Variants in UGT2B15 observed in about 807,000 individuals in gnomAD.
UGT2B15 encodes UDP-glucuronosyltransferase 2B15.
A neutral mutation model predicts 45.9 loss-of-function variants in UGT2B15; 36 were observed. The observed-to-expected ratio is 0.78, with a 90% CI of 0.60 to 1.04. UGT2B15 has a LOEUF of 1.04. Ranked by LOEUF, UGT2B15 falls within the 50% of genes least tolerant of loss-of-function variation. The pLI is 0.00. For synonymous variants in UGT2B15, 219 were observed against 216.4 expected (o/e 1.01, Z -0.11); for missense variants, 617 against 622.4 (o/e 0.99, Z 0.09).
rs779881454 is a variant in UGT2B15 at position 68,670,619 on chromosome 4, C to T, written c.-1G>A. 1.3e-6 allele frequency: 2 copies of T among 1,567,312 alleles called. No homozygotes were observed. Among genetic ancestry groups the T allele is most frequent in the African/African-American group, 2.8e-5 (2 of 72,572 alleles). ...AGACTGACGTCCATTTCAGAGACAT[C>T]CTGGTCTTATGCAATGCTTCTTTTC... On this transcript the variant is annotated 5_prime_UTR_variant, in exon 1 of 6. Coordinates refer to ENST00000338206, the MANE Select transcript of UGT2B15 (RefSeq NM_001076.4).
At chr4:68,669,763 A>G in intron 1 of UGT2B15, 132 bp downstream of exon 1, 1 of 1,303,224 alleles carries the variant, frequency 7.7e-7, no homozygotes, top group South Asian at 1.5e-5. Flanking sequence ...TGAGACTGAT[A>G]GATCATCTTA....
chr4:68,651,747 C>G (rs1332341424), intron 5 of UGT2B15, among the ~76,000 whole-genome samples: 1 of 152,008 alleles, frequency 6.6e-6, no homozygotes, highest in Non-Finnish European at 1.5e-5. Flanking sequence ...CTGTTTGGTA[C>G]CAGTACCATT....
chr4:68,655,181 A>G lies in UGT2B15; in HGVS notation c.1007T>C (p.Val336Ala). 1.2e-6 allele frequency: 2 copies of G among 1,613,250 alleles called. No homozygotes were observed. The highest frequency in any genetic ancestry group is 1.7e-6 in the Non-Finnish European group (2 of 1,179,510). Residue 336 changes from valine to alanine, a missense_variant and splice_region_variant, in exon 4 of 6, where the codon GTT (valine) becomes GCT (alanine). Coordinates refer to ENST00000338206, the MANE Select transcript of UGT2B15 (RefSeq NM_001076.4). ...ASALAQIPQKVLWRFDGKKPN... is the reference protein window; with the variant it reads ...ASALAQIPQKALWRFDGKKPN... ...CTTCTTGCCATCAAATCTCCATAGA[A>G]CCTGTTAGGGCAAGGAAAATATCTT...
chr4:68,660,491 A>C (rs990931550), intron 3 of UGT2B15, among the ~76,000 whole-genome samples: 2 of 151,822 alleles, frequency 1.3e-5, no homozygotes, highest in Non-Finnish European at 2.9e-5. Flanking sequence ...TTAAAAGCCT[A>C]TGTAAATAAA....
chr4:68,669,213 T>A (rs1472301379), intron 1 of UGT2B15, among the ~76,000 whole-genome samples: 8 of 152,120 alleles, frequency 5.3e-5, no homozygotes, highest in Non-Finnish European at 1.0e-4. Flanking sequence ...AGATATGTGC[T>A]CTCCCTTAAT....
At chr4:68,653,317 G>T (rs1485668804) in intron 5 of UGT2B15, among the ~76,000 whole-genome samples, 1 of 151,866 alleles carries the variant, frequency 6.6e-6, no homozygotes, top group African/African-American at 2.4e-5. Context: ...AAAAATGAAT[G>T]AGTTCTGATA....
rs1732498950 is a variant in UGT2B15, at chr4:68,647,128, T to G, written c.1569A>C (p.Lys523Asn). The G allele has an allele frequency of 6.2e-7, 1 of 1,613,650 alleles. No homozygotes were observed. The highest frequency in any genetic ancestry group is 8.5e-7 in the Non-Finnish European group (1 of 1,179,710). The change falls in exon 6 of 6, where the codon AAA becomes AAC. Residue 523 changes from lysine to asparagine, a missense_variant. Around this residue, in one of 3 missense-constraint regions of UGT2B15, gnomAD observed 265 missense variants for 245.1 expected, o/e 1.08. Coordinates refer to ENST00000338206, the MANE Select transcript of UGT2B15 (RefSeq NM_001076.4). ...CLFCFRKLAK[K>N]GKKKKRD ...ACTAATCTCTTTTCTTCTTCTTTCCTTTTTTGGCAAGCTTTCGGAAACAAA... is the reference window on the plus strand; with the variant it reads ...ACTAATCTCTTTTCTTCTTCTTTCCGTTTTTGGCAAGCTTTCGGAAACAAA...
chr4:68,664,031 T>C (rs955084606), intron 2 of UGT2B15, among the ~76,000 whole-genome samples: 4 of 152,062 alleles, frequency 2.6e-5, no homozygotes, highest in Non-Finnish European at 5.9e-5. Flanking sequence ...CATCATCACT[T>C]TGCTGTGTCT....
intron 3 of UGT2B15, among the ~76,000 whole-genome samples, chr4:68,662,517 A>G (rs1385794218): frequency 1.4e-5 from 2 of 145,636 alleles, no homozygotes; most frequent in African/African-American, 2.6e-5. Context: ...ATTCCAATAC[A>G]TGGGAAGTAA....
Position 68,670,637 on chromosome 4 carries a change from T to C in UGT2B15, c.-19A>G. On this transcript the variant is annotated 5_prime_UTR_variant, in exon 1 of 6. Transcript: ENST00000338206. ...GAGACATCCTGGTCTTATGCAATGCTTCTTTTCCAGTTGTTGTTTCTTTCT... is the reference window on the plus strand; with the variant it reads ...GAGACATCCTGGTCTTATGCAATGCCTCTTTTCCAGTTGTTGTTTCTTTCT... 6.5e-7 allele frequency: 1 copy of C among 1,533,086 alleles called. No individual in the cohort carries two copies. The highest frequency in any genetic ancestry group is 8.7e-7 in the Non-Finnish European group (1 of 1,145,808). 95.0% of individuals were successfully genotyped at this position (1,533,086 alleles called of 1,614,324 possible). A position where few individuals can be genotyped will look rare whatever the true frequency, so the allele number is the denominator to read the frequency against.
chr4:68,656,309 G>T (rs555808378), intron 3 of UGT2B15, among the ~76,000 whole-genome samples: 1 of 152,002 alleles, frequency 6.6e-6, no homozygotes, highest in African/African-American at 2.4e-5. Context: ...CTGAATTGCG[G>T]TTTTGTCTTG....
At chr4:68,659,499 T>G (rs576584944) in intron 3 of UGT2B15, among the ~76,000 whole-genome samples, 29 of 152,104 alleles carry the variant, frequency 1.9e-4, no homozygotes, top group African/African-American at 5.8e-4. Context: ...TATGTTATTG[T>G]TATGTGTTCC....
rs1318079122 is a variant in UGT2B15 at position 68,647,150 on chromosome 4, C to A, written c.1547G>T (p.Cys516Phe). The A allele has an allele frequency of 6.2e-7, 1 of 1,613,558 alleles. No individual in the cohort carries two copies. Among genetic ancestry groups the A allele is most frequent in the Non-Finnish European group, 8.5e-7 (1 of 1,179,790 alleles). ...TCCTTTTTTGGCAAGCTTTCGGAAACAAAACAGGCAAAATTTTGTGATGAT... is the reference window on the plus strand; with the variant it reads ...TCCTTTTTTGGCAAGCTTTCGGAAAAAAAACAGGCAAAATTTTGTGATGAT... ...IFIITKFCLF[C>F]FRKLAKKGKK... is the part of the protein sequence containing the mutation. The change falls in exon 6 of 6, where the codon TGT (cysteine) becomes TTT (phenylalanine). Residue 516 changes from cysteine (C) to phenylalanine (F), a missense_variant. By Grantham distance (205) the Cys-to-Phe change is radical. This residue lies in a region of UGT2B15 where 265 missense variants were observed against 245.1 expected (regional missense o/e 1.08). Transcript: ENST00000338206.
At chr4:68,649,600 A>G (rs1240570465) in intron 5 of UGT2B15, among the ~76,000 whole-genome samples, 1 of 151,846 alleles carries the variant, frequency 6.6e-6, no homozygotes, top group African/African-American at 2.4e-5. Flanking sequence ...TCTTTTAAAA[A>G]TGTTTATTTT....
intron 5 of UGT2B15, among the ~76,000 whole-genome samples, chr4:68,653,644 TTAAAA>T (rs1401332921): frequency 6.6e-6 from 1 of 151,988 alleles, no homozygotes. Context: ...ATCACATTTC[TTAAAA>T]TAATGATAAT....
At chr4:68,656,496 G>A (rs560469059) in intron 3 of UGT2B15, among the ~76,000 whole-genome samples, 2 of 151,028 alleles carry the variant, frequency 1.3e-5, no homozygotes, top group East Asian at 3.9e-4. Flanking sequence ...GGGTAACAAA[G>A]CCTGTCTAAT....
At chr4:68,653,991 A>C in intron 5 of UGT2B15, 46 bp downstream of exon 5, 1 of 1,598,844 alleles carries the variant, frequency 6.3e-7, no homozygotes, top group Non-Finnish European at 8.6e-7. Flanking sequence ...CACTGTTGAC[A>C]AAATAATTTA....
chr4:68,662,593 T>G (rs2109831460), intron 3 of UGT2B15, among the ~76,000 whole-genome samples: 1 of 151,576 alleles, frequency 6.6e-6, no homozygotes, highest in East Asian at 1.9e-4. Context: ...CGATACCTGC[T>G]TATTGTTATT....
intron 5 of UGT2B15, among the ~76,000 whole-genome samples, chr4:68,651,636 T>C: frequency 6.6e-6 from 1 of 152,116 alleles, no homozygotes; most frequent in East Asian, 1.9e-4. Flanking sequence ...AGGAATCCTT[T>C]CCCCAGTTGC....
Sources: allele counts gnomAD v4.1 joint callset (sites outside exome capture counted in the v4.1 genomes callset), GRCh38; gene constraint gnomAD v4.1.1; regional missense constraint gnomAD v4.1.1; transcripts MANE v1.5; gene names NCBI Gene and HGNC (gene_info 2026-07-23, HGNC 2026-07-21).